PNLIPRP1: variants seen among roughly 807,000 people sequenced by gnomAD.
PNLIPRP1 encodes inactive pancreatic lipase-related protein 1.
Under a neutral mutation model 54.6 loss-of-function variants are expected in PNLIPRP1, and 57 were observed. The ratio of observed to expected loss-of-function variants is 1.04; its 90% CI spans 0.84 to 1.30. The LOEUF is 1.30. Among genes scored for constraint, PNLIPRP1 ranks in the 50% most tolerant of loss-of-function variants. PNLIPRP1 has a pLI of 0.00. For missense variants in PNLIPRP1, 567 were observed against 568.5 expected, an observed-to-expected ratio of 1.00 and a Z score of 0.03; for synonymous variants, 232 against 208.8, an observed-to-expected ratio of 1.11 and a Z score of -0.96.
intron 4 of PNLIPRP1, chr10:116,593,954 CAAAAAAAAAAAAAA>C (rs57786929): frequency 2.1e-5 from 2 of 94,280 alleles, no homozygotes; most frequent in African/African-American, 7.5e-5. Context: ...GAGGCTGTCT[CAAAAAAAAAAAAAA>C]AAAAAGAAAG....
chr10:116,596,398 C>A, intron 6 of PNLIPRP1, 76 bp downstream of exon 6: 1 of 838,972 alleles, frequency 1.2e-6, no homozygotes, highest in South Asian at 1.5e-5. Flanking sequence ...CAGCCCAGTT[C>A]AGAGCTCCCC....
In PNLIPRP1 at chr10:116,605,562, C is replaced by A; in HGVS notation, c.1340+9C>A. ...GGAGAAGAGAAGACAGTGTATGTAT[C>A]TTTGCTGGCTGGTGCCTAAAAATGT... On this transcript the variant is annotated intron_variant, in intron 12 of 12. Coordinates refer to ENST00000358834, the MANE Select transcript of PNLIPRP1 (RefSeq NM_006229.4). 1.3e-6 allele frequency: 2 copies of A among 1,499,606 alleles called. No homozygotes were observed. Among genetic ancestry groups the A allele is most frequent in the Non-Finnish European group, 9.0e-7 (1 of 1,109,816 alleles). 92.9% of individuals were successfully genotyped at this position (1,499,606 alleles called of 1,614,324 possible).
chr10:116,608,907 G>C (rs1554865885), intron 12 of PNLIPRP1, 146 bp from the exon 13 acceptor site: 2 of 697,226 alleles, frequency 2.9e-6, no homozygotes, highest in African/African-American at 1.8e-5. Flanking sequence ...GTGCCCCCTC[G>C]TGCCTCCTGA....
chr10:116,596,685 T>C (rs1847743920), intron 6 of PNLIPRP1, among the ~76,000 whole-genome samples: 1 of 152,130 alleles, frequency 6.6e-6, no homozygotes, highest in Non-Finnish European at 1.5e-5. Context: ...ATATTGCCAA[T>C]TCTTTCTCCC....
intron 12 of PNLIPRP1, among the ~76,000 whole-genome samples, chr10:116,606,082 T>C (rs1303771740): frequency 6.6e-6 from 1 of 152,112 alleles, no homozygotes; most frequent in South Asian, 2.1e-4. Context: ...TGGAGGAAAG[T>C]TGGAGTGGTG....
intron 12 of PNLIPRP1, among the ~76,000 whole-genome samples, chr10:116,608,139 G>A (rs575412478): frequency 1.3e-5 from 2 of 152,340 alleles, no homozygotes; most frequent in African/African-American, 2.4e-5. Context: ...TTACAGGCAT[G>A]AGCCACCACA....
intron 12 of PNLIPRP1, among the ~76,000 whole-genome samples, chr10:116,606,147 T>C (rs1381059869): frequency 2.6e-5 from 4 of 152,120 alleles, no homozygotes; most frequent in Non-Finnish European, 5.9e-5. Flanking sequence ...GTCTGGCTAG[T>C]AGAACATGTG....
At chr10:116,597,033 G>A (rs963026821) in intron 6 of PNLIPRP1, among the ~76,000 whole-genome samples, 5 of 152,142 alleles carry the variant, frequency 3.3e-5, no homozygotes, top group African/African-American at 1.2e-4. Flanking sequence ...TCATCAGTGG[G>A]AGAACTGAGA....
intron 4 of PNLIPRP1, 118 bp downstream of exon 4, chr10:116,592,659 T>C (rs1554863407): frequency 8.0e-7 from 1 of 1,255,008 alleles, no homozygotes; most frequent in African/African-American, 1.5e-5. Context: ...GCAATTAAAA[T>C]GCTTCTCTTC....
chr10:116,591,701 C>G, intron 2 of PNLIPRP1, 70 bp from the exon 3 acceptor site: 5 of 1,510,504 alleles, frequency 3.3e-6, no homozygotes, highest in Non-Finnish European at 4.5e-6. Flanking sequence ...TGACCAGGCC[C>G]GAACAGCAGT....
rs782599118 is a variant in PNLIPRP1 at position 116,591,111 on chromosome 10, A to G, written c.1-19A>G. The G allele has an allele frequency of 4.7e-5, 75 of 1,609,780 alleles. No homozygotes were observed. Among genetic ancestry groups the G allele is most frequent in the Non-Finnish European group, 8.5e-6 (10 of 1,176,822 alleles). On this transcript the variant is annotated intron_variant, in intron 1 of 12. Transcript: ENST00000358834. ...TGGCAATGCCCGGTGAGACTGAATT[A>G]TGTTTAAATTTATTGTAGATGCTGA...
At chr10:116,603,810 T>G (rs1554865132) in intron 10 of PNLIPRP1, among the ~76,000 whole-genome samples, 1 of 152,114 alleles carries the variant, frequency 6.6e-6, no homozygotes, top group African/African-American at 2.4e-5. Context: ...GAAGAATTAC[T>G]TGAACCTGGG....
At chr10:116,592,629 T>A (rs906159641) in intron 4 of PNLIPRP1, 88 bp downstream of exon 4, 1 of 1,478,878 alleles carries the variant, frequency 6.8e-7, no homozygotes, top group Non-Finnish European at 9.4e-7. Flanking sequence ...AAGAAATCTT[T>A]ACATATTAGG....
In PNLIPRP1 at chr10:116,600,133, T is replaced by A. The variant is rs2133235776; in HGVS notation, c.901T>A (p.Tyr301Asn). Residue 301 changes from tyrosine (Y) to asparagine (N), a missense_variant, in exon 9 of 13, where the codon TAT (tyrosine) becomes AAT (asparagine). Coordinates refer to ENST00000358834, the MANE Select transcript of PNLIPRP1 (RefSeq NM_006229.4). ...CCTCAATCCCGATGGGTTTGCTGCA[T>A]ATCCCTGCACTTCCTACAAGTCCTT... ...SILNPDGFAA[Y>N]PCTSYKSFES... 3 of 1,612,794 alleles carry A rather than the reference T, an allele frequency of 1.9e-6. No homozygotes were observed. In the South Asian group the frequency reaches 3.3e-5, roughly 18 times the overall value.
At chr10:116,605,586 G>A in intron 12 of PNLIPRP1, 33 bp downstream of exon 12, 2 of 1,421,700 alleles carry the variant, frequency 1.4e-6, no homozygotes, top group Non-Finnish European at 1.9e-6. Flanking sequence ...GCCTAAAAAT[G>A]TTTGCAGAGA....
chr10:116,599,469 G>T (rs1554864468), intron 8 of PNLIPRP1, among the ~76,000 whole-genome samples: 3 of 152,034 alleles, frequency 2.0e-5, no homozygotes, highest in African/African-American at 7.2e-5. Flanking sequence ...GCCCAGAAAG[G>T]TTGCAAGTAA....
At chr10:116,591,700 C>G in intron 2 of PNLIPRP1, 71 bp from the exon 3 acceptor site, 2 of 1,502,436 alleles carry the variant, frequency 1.3e-6, no homozygotes, top group South Asian at 2.4e-5. Context: ...GTGACCAGGC[C>G]CGAACAGCAG....
chr10:116,604,970 G>C (rs1175530506), intron 11 of PNLIPRP1, among the ~76,000 whole-genome samples: 2 of 152,056 alleles, frequency 1.3e-5, no homozygotes, highest in Non-Finnish European at 1.5e-5. Context: ...TGGGATTACA[G>C]ACGTGAGCCA....
At chr10:116,599,084 G>A (rs975560378) in intron 8 of PNLIPRP1, among the ~76,000 whole-genome samples, 1 of 151,748 alleles carries the variant, frequency 6.6e-6, no homozygotes, top group South Asian at 2.1e-4. Context: ...GTAAAACCCC[G>A]TCTCTACTAA....
Sources: allele counts gnomAD v4.1 joint callset (sites outside exome capture counted in the v4.1 genomes callset), GRCh38; gene constraint gnomAD v4.1.1; transcripts MANE v1.5; gene names NCBI Gene and HGNC (gene_info 2026-07-23, HGNC 2026-07-21).